TRA2A: variants seen among roughly 807,000 people sequenced by gnomAD.
TRA2A encodes transformer 2 alpha homolog.
TRA2A carries 31 observed loss-of-function variants against 45.7 expected under a neutral mutation model. The ratio of observed to expected loss-of-function variants is 0.68; its 90% CI spans 0.51 to 0.92. The LOEUF is 0.92. TRA2A is among the 40% of genes least tolerant of loss of function. The pLI is 0.00. For synonymous variants in TRA2A, 132 were observed against 126.2 expected, an observed-to-expected ratio of 1.05 and a Z score of -0.31; for missense variants, 304 against 367.5, an observed-to-expected ratio of 0.83 and a Z score of 1.41.
At chr7:23,518,853 T>A (rs1036157301) in intron 2 of TRA2A, among the ~76,000 whole-genome samples, 1 of 151,356 alleles carries the variant, frequency 6.6e-6, no homozygotes, top group African/African-American at 2.4e-5. Context: ...ACCTGGCAAA[T>A]TTTTTGTATT....
chr7:23,510,843 TAA>T (rs377068843), intron 4 of TRA2A, among the ~76,000 whole-genome samples: 1 of 147,046 alleles, frequency 6.8e-6, no homozygotes. Flanking sequence ...TACGTAACAG[TAA>T]AAAAAAAAAT....
chr7:23,505,498 A>AT lies in TRA2A; in HGVS notation c.*60dup, dbSNP rs1223847882. The AT allele has an allele frequency of 3.5e-6, 2 of 569,292 alleles. No individual in the cohort carries two copies. The allele number at this position is 569,292 out of a possible 1,614,324, so 35.3% of individuals were successfully genotyped here. On this transcript the variant is annotated 3_prime_UTR_variant, in exon 8 of 8. Transcript: ENST00000297071. ...ATCCACAGCTTGGGGAAATCTCAGA[A>AT]TTAAAAAAAAAAAAAAAAAAAAGAG...
chr7:23,516,444 T>C lies in TRA2A; in HGVS notation c.255A>G (p.Arg85=). The change falls in exon 3 of 8, where the codon AGA becomes AGG. Residue 85 remains arginine (R), a synonymous_variant. Transcript: ENST00000297071. ...SHSHRRRSRS[R]SYTPEYRRRR... ...GCCGCCGGTATTCTGGTGTATATGA[T>C]CTACTTCGAGATCGTCTCCTATGAG... The C allele has an allele frequency of 3.1e-6, 5 of 1,614,228 alleles. No homozygotes were observed. Among genetic ancestry groups the C allele is most frequent in the Non-Finnish European group, 4.2e-6 (5 of 1,180,028 alleles).
chr7:23,525,060 G>C (rs1478675253), intron 1 of TRA2A, among the ~76,000 whole-genome samples: 2 of 152,088 alleles, frequency 1.3e-5, no homozygotes. Flanking sequence ...AACTTAACTG[G>C]AAGAATAAAC....
intron 2 of TRA2A, among the ~76,000 whole-genome samples, chr7:23,517,503 A>AAAAGAG (rs764849438): frequency 3.4e-5 from 4 of 116,248 alleles, no homozygotes; most frequent in Non-Finnish European, 5.4e-5. Flanking sequence ...AAAAAAAAAA[A>AAAAGAG]AGAGAGAAAG....
intron 3 of TRA2A, among the ~76,000 whole-genome samples, chr7:23,515,466 C>G (rs1789822764): frequency 6.6e-6 from 1 of 152,082 alleles, no homozygotes; most frequent in Non-Finnish European, 1.5e-5. Context: ...ATCCGCCCAC[C>G]TCGGCCTCCC....
intron 2 of TRA2A, among the ~76,000 whole-genome samples, chr7:23,517,572 C>A (rs1442740760): frequency 4.0e-5 from 6 of 148,740 alleles, no homozygotes; most frequent in Non-Finnish European, 3.0e-5. Context: ...TAGCAAGACT[C>A]CACACTTCTA....
rs955010495 is a variant in TRA2A at position 23,505,432 on chromosome 7, T to C, written c.*127A>G. ...GCAACACAACTGACAAAAGTGTAGATGCTAAATAAACCAAAGTTTTTTTCT... is the reference window on the plus strand; with the variant it reads ...GCAACACAACTGACAAAAGTGTAGACGCTAAATAAACCAAAGTTTTTTTCT... On this transcript the variant is annotated 3_prime_UTR_variant, in exon 8 of 8. Coordinates refer to ENST00000297071, the MANE Select transcript of TRA2A (RefSeq NM_013293.5). 2 of 516,062 alleles carry C rather than the reference T, an allele frequency of 3.9e-6. No individual in the cohort carries two copies. The highest frequency in any genetic ancestry group is 3.1e-5 in the East Asian group (1 of 31,900). 32.0% of individuals were successfully genotyped at this position (516,062 alleles called of 1,614,324 possible). A position where few individuals can be genotyped will look rare whatever the true frequency, so the allele number is the denominator to read the frequency against.
At chr7:23,522,362 A>T in intron 1 of TRA2A, 1 of 1,265,338 alleles carries the variant, frequency 7.9e-7, no homozygotes, top group African/African-American at 1.6e-5. Context: ...ACTTTTCATT[A>T]GCCTTCTTTT....
intron 3 of TRA2A, among the ~76,000 whole-genome samples, chr7:23,513,759 T>C (rs754444976): frequency 2.0e-5 from 3 of 152,180 alleles, no homozygotes; most frequent in Non-Finnish European, 2.9e-5. Context: ...TCATTTATAA[T>C]CTGACGTGTC....
chr7:23,522,350 A>T, intron 1 of TRA2A: 1 of 1,252,182 alleles, frequency 8.0e-7, no homozygotes, highest in Non-Finnish European at 1.0e-6. Context: ...CTGATCTTTA[A>T]TACTTTTCAT....
intron 1 of TRA2A, among the ~76,000 whole-genome samples, chr7:23,524,895 T>G (rs1177047047): frequency 6.6e-6 from 1 of 152,010 alleles, no homozygotes; most frequent in Non-Finnish European, 1.5e-5. Flanking sequence ...TTTCCCTATG[T>G]TGGCCAGGCT....
At position 23,506,271 on chromosome 7, in the gene TRA2A, A is replaced by T. The variant is rs1215893449; in HGVS notation, c.642-5T>A. 1 of 1,595,376 alleles carries T rather than the reference A, an allele frequency of 6.3e-7. No homozygotes were observed. The highest frequency in any genetic ancestry group is 8.5e-7 in the Non-Finnish European group (1 of 1,170,642). On this transcript the variant is annotated splice_region_variant and splice_polypyrimidine_tract_variant and intron_variant, in intron 5 of 7. Coordinates refer to ENST00000297071, the MANE Select transcript of TRA2A (RefSeq NM_013293.5). ...CCTCCACCACCCCCACCACTACTGC[A>T]GAAAAATGTAAAAATTCTCCATTAG...
At chr7:23,509,280 A>G (rs1303800578) in intron 4 of TRA2A, among the ~76,000 whole-genome samples, 1 of 152,054 alleles carries the variant, frequency 6.6e-6, no homozygotes, top group Non-Finnish European at 1.5e-5. Flanking sequence ...ACCCCCCAAA[A>G]AAACACACAC....
intron 1 of TRA2A, among the ~76,000 whole-genome samples, chr7:23,527,031 C>CA (rs1790367660): frequency 6.6e-6 from 1 of 152,000 alleles, no homozygotes; most frequent in South Asian, 2.1e-4. Context: ...ATATCCTGAT[C>CA]AATTGTAATG....
chr7:23,529,843 G>A (rs1790497287), intron 1 of TRA2A, among the ~76,000 whole-genome samples: 1 of 139,080 alleles, frequency 7.2e-6, no homozygotes, highest in African/African-American at 2.8e-5. Flanking sequence ...GCTTAAAAGT[G>A]GGTGGGAATC....
intron 4 of TRA2A, among the ~76,000 whole-genome samples, chr7:23,509,493 T>A (rs1365889432): frequency 6.6e-6 from 1 of 152,108 alleles, no homozygotes; most frequent in African/African-American, 2.4e-5. Flanking sequence ...CCCAGCACTT[T>A]GGGAGGCCAA....
intron 1 of TRA2A, among the ~76,000 whole-genome samples, chr7:23,522,736 TAAC>T (rs1265349655): frequency 6.6e-5 from 10 of 152,126 alleles, no homozygotes; most frequent in Non-Finnish European, 1.3e-4. Flanking sequence ...AATATAAATC[TAAC>T]AACTATAATT....
intron 4 of TRA2A, among the ~76,000 whole-genome samples, chr7:23,510,939 G>C (rs990116462): frequency 6.6e-6 from 1 of 152,004 alleles, no homozygotes; most frequent in Non-Finnish European, 1.5e-5. Context: ...AGAGTTATCC[G>C]GGGTTTCTCA....
Sources: allele counts gnomAD v4.1 joint callset (sites outside exome capture counted in the v4.1 genomes callset), GRCh38; gene constraint gnomAD v4.1.1; transcripts MANE v1.5; gene names NCBI Gene and HGNC (gene_info 2026-07-23, HGNC 2026-07-21).